Variants in TENM2 observed in about 807,000 individuals in gnomAD.
TENM2 encodes the protein teneurin transmembrane protein 2.
TENM2 carries 52 observed loss-of-function variants against 245.2 expected under a neutral mutation model. The ratio of observed to expected loss-of-function variants is 0.21; its 90% CI spans 0.17 to 0.27. The LOEUF is 0.27. TENM2 is among the 10% of genes least tolerant of loss of function. TENM2 has a pLI of 1.00. For synonymous variants in TENM2, 1,363 were observed against 1,438.9 expected (o/e 0.95, Z 1.19); for missense variants, 3,046 against 3,666.8 (o/e 0.83, Z 4.37).
At chr5:167,337,298 T>A (rs1757835818) in intron 1 of TENM2, among the ~76,000 whole-genome samples, 1 of 151,996 alleles carries the variant, frequency 6.6e-6, no homozygotes, top group Admixed American at 6.5e-5. Context: ...AAGAAAAAAA[T>A]TAAACTCTAT....
intron 2 of TENM2, among the ~76,000 whole-genome samples, chr5:167,404,134 G>GTGCC (rs1180100055): frequency 1.3e-5 from 2 of 152,110 alleles, no homozygotes; most frequent in Admixed American, 1.3e-4. Flanking sequence ...CTCTCAAGAT[G>GTGCC]TGCCATCTGT....
intron 2 of TENM2, among the ~76,000 whole-genome samples, chr5:167,764,484 A>G (rs1220820665): frequency 6.6e-6 from 1 of 152,208 alleles, no homozygotes; most frequent in African/African-American, 2.4e-5. Context: ...TAGCTTCTCA[A>G]GAAGGAGACC....
chr5:167,499,991 T>C lies in TENM2; in HGVS notation c.502+124518T>C, dbSNP rs1034723604. Among the ~76,000 whole-genome samples the C allele has an allele frequency of 7.3e-5, 11 of 150,180 alleles. No individual in the cohort carries two copies. The East Asian group carries it at 2.0e-3, about 27-fold the overall frequency. On this transcript the variant is annotated intron_variant, in intron 2 of 28. Transcript: ENST00000518659. Reference sequence around the variant, plus strand: ...GTGAGGGTGTGTGTGTGTATGTGTATGTGAGGGTGTATGTGTGTGTGTATG... The same window carrying C: ...GTGAGGGTGTGTGTGTGTATGTGTACGTGAGGGTGTATGTGTGTGTGTATG...
the TENM2 span, among the ~76,000 whole-genome samples, chr5:167,002,672 A>T: frequency 1.3e-5 from 2 of 151,972 alleles, no homozygotes; most frequent in African/African-American, 4.8e-5. Context: ...AAAACAAAAA[A>T]AAAACAGCCC....
chr5:168,074,158 G>A (rs17051821), intron 7 of TENM2, among the ~76,000 whole-genome samples: 3 of 152,090 alleles, frequency 2.0e-5, no homozygotes, highest in African/African-American at 7.2e-5. Flanking sequence ...TCCTTCCGTT[G>A]AGACACTTTA....
At chr5:168,089,438 G>A (rs1371842034) in intron 7 of TENM2, among the ~76,000 whole-genome samples, 1 of 152,094 alleles carries the variant, frequency 6.6e-6, no homozygotes, top group Non-Finnish European at 1.5e-5. Flanking sequence ...GCCTGCTACA[G>A]CATTTCATCT....
At chr5:167,760,843 G>A (rs982528759) in intron 2 of TENM2, among the ~76,000 whole-genome samples, 7 of 152,084 alleles carry the variant, frequency 4.6e-5, no homozygotes, top group South Asian at 2.1e-4. Flanking sequence ...TAGTAGAGAC[G>A]GGTCACCATG....
chr5:166,991,545 G>A, the TENM2 span, among the ~76,000 whole-genome samples: 1 of 152,048 alleles, frequency 6.6e-6, no homozygotes, highest in African/African-American at 2.4e-5. Context: ...AAAATGTTTG[G>A]GGGTTGTATT....
intron 7 of TENM2, among the ~76,000 whole-genome samples, chr5:168,078,145 T>C (rs58084512): frequency 0.023 from 3,542 of 152,256 alleles, 132 homozygotes; most frequent in African/African-American, 0.08. Context: ...TGGTATCTCA[T>C]TGTGGTTTTG....
chr5:168,099,478 G>C (rs1278758822), intron 9 of TENM2, among the ~76,000 whole-genome samples: 1 of 152,126 alleles, frequency 6.6e-6, no homozygotes, highest in Non-Finnish European at 1.5e-5. Context: ...CACACACAAA[G>C]CTCTTAGCAG....
intron 5 of TENM2, among the ~76,000 whole-genome samples, chr5:168,043,849 AT>A (rs1332971490): frequency 6.6e-6 from 1 of 152,222 alleles, no homozygotes; most frequent in Non-Finnish European, 1.5e-5. Context: ...GGGTGTGGTC[AT>A]TCACCAACCC....
chr5:167,204,534 A>G, the TENM2 span, among the ~76,000 whole-genome samples: 5 of 152,236 alleles, frequency 3.3e-5, no homozygotes, highest in Admixed American at 2.0e-4. Context: ...CCTTAGCGGA[A>G]TCCTGCTTAG....
chr5:167,132,624 T>A, the TENM2 span, among the ~76,000 whole-genome samples: 1 of 152,176 alleles, frequency 6.6e-6, no homozygotes, highest in East Asian at 1.9e-4. Flanking sequence ...GCATTTGGCA[T>A]GTGACCCCCT....
In TENM2 at chr5:167,495,731, C is replaced by T. The variant is rs140280442; in HGVS notation, c.502+120258C>T. On this transcript the variant is annotated intron_variant, in intron 2 of 28. Coordinates refer to ENST00000518659, the Ensembl canonical transcript of TENM2. ...TCTTGTTCAGGTTAATTTTAATTAG[C>T]GTTCATGGTGTGCTACCTAAAAACA... Among the ~76,000 whole-genome samples the T allele has an allele frequency of 4.6e-3, 701 of 152,004 alleles. 5 individuals are homozygous for T. Among genetic ancestry groups the T allele is most frequent in the African/African-American group, 0.016 (660 of 41,480 alleles).
chr5:167,850,755 G>T (rs1471853924), intron 2 of TENM2, among the ~76,000 whole-genome samples: 4 of 152,094 alleles, frequency 2.6e-5, no homozygotes, highest in Non-Finnish European at 4.4e-5. Flanking sequence ...AAACCACCTG[G>T]GCTGTGACAA....
At chr5:167,713,774 T>C (rs1053712149) in intron 2 of TENM2, among the ~76,000 whole-genome samples, 2 of 152,234 alleles carry the variant, frequency 1.3e-5, no homozygotes, top group African/African-American at 4.8e-5. Context: ...TGCACACACA[T>C]ACACACGTAG....
chr5:168,123,231 C>T (rs948699919), intron 10 of TENM2, among the ~76,000 whole-genome samples: 3 of 151,832 alleles, frequency 2.0e-5, no homozygotes, highest in Non-Finnish European at 2.9e-5. Context: ...CTCAGGTGTT[C>T]GAGACTACAA....
intron 13 of TENM2, among the ~76,000 whole-genome samples, chr5:168,168,058 T>C (rs901467301): frequency 3.3e-5 from 5 of 152,206 alleles, no homozygotes; most frequent in African/African-American, 7.2e-5. Context: ...TTTGTGCTTA[T>C]TGAACTTTAG....
intron 3 of TENM2, among the ~76,000 whole-genome samples, chr5:167,916,231 G>A (rs998225164): frequency 7.9e-5 from 12 of 152,110 alleles, no homozygotes; most frequent in South Asian, 2.1e-4. Flanking sequence ...CCAGTCTGCC[G>A]CTGGAAGCAA....
Sources: allele counts gnomAD v4.1 joint callset (sites outside exome capture counted in the v4.1 genomes callset), GRCh38; gene constraint gnomAD v4.1.1; transcripts MANE v1.5; gene names NCBI Gene and HGNC (gene_info 2026-07-23, HGNC 2026-07-21).